Variants in LRRC49 observed in about 807,000 individuals in gnomAD.
The protein encoded by LRRC49 is leucine-rich repeat-containing protein 49.
LRRC49 carries 50 observed loss-of-function variants against 83.3 expected under a neutral mutation model. The ratio of observed to expected loss-of-function variants is 0.60; its 90% CI spans 0.48 to 0.76. LRRC49 has a LOEUF of 0.76. Among genes scored for constraint, LRRC49 ranks in the 30% least tolerant of loss-of-function variants. LRRC49 has a pLI of 0.00. For missense variants in LRRC49, 704 were observed against 809.1 expected (o/e 0.87, Z 1.58); for synonymous variants, 286 against 283.3 (o/e 1.01, Z -0.10).
At position 71,000,258 on chromosome 15, in the gene LRRC49, G is replaced by T. The variant is rs1434965240; in HGVS notation, c.1170-8121G>T. 4.6e-5 allele frequency among the ~76,000 whole-genome samples: 7 copies of T among 152,146 alleles called. No individual in the cohort carries two copies. The East Asian group carries it at 1.3e-3, about 29-fold the overall frequency. Reference sequence around the variant, plus strand: ...TCCTAGCATATTTGTTGCTTTTGTGGAGGGATGGAGTGTTTCGGAGTTCCC... The same window carrying T: ...TCCTAGCATATTTGTTGCTTTTGTGTAGGGATGGAGTGTTTCGGAGTTCCC... On this transcript the variant is annotated intron_variant, in intron 11 of 15. Transcript: ENST00000260382.
chr15:70,893,733 T>G, intron 2 of LRRC49, 93 bp downstream of exon 2: 1 of 996,208 alleles, frequency 1.0e-6, no homozygotes, highest in Middle Eastern at 2.3e-4. Context: ...GATTCTAAAC[T>G]GAAAAATTTA....
chr15:70,968,825 G>A (rs993750518), intron 9 of LRRC49, among the ~76,000 whole-genome samples: 5 of 152,044 alleles, frequency 3.3e-5, no homozygotes, highest in Non-Finnish European at 5.9e-5. Flanking sequence ...TTTCTGATGG[G>A]GTTGTTTGTT....
At chr15:70,857,277 G>T (rs2032676595) in intron 1 of LRRC49, among the ~76,000 whole-genome samples, 1 of 152,144 alleles carries the variant, frequency 6.6e-6, no homozygotes, top group South Asian at 2.1e-4. Flanking sequence ...ATTTTTGAGT[G>T]TGCCTGGCAC....
chr15:70,870,132 C>A (rs1035253680), intron 1 of LRRC49, among the ~76,000 whole-genome samples: 4 of 152,182 alleles, frequency 2.6e-5, no homozygotes, highest in African/African-American at 9.7e-5. Context: ...AAGCAAAATT[C>A]TTTTTCTGTA....
At chr15:70,922,376 A>G (rs574617009) in intron 7 of LRRC49, among the ~76,000 whole-genome samples, 5 of 152,298 alleles carry the variant, frequency 3.3e-5, no homozygotes, top group Non-Finnish European at 7.4e-5. Context: ...GTCATTTGCA[A>G]CAACATGAAT....
intron 2 of LRRC49, chr15:70,882,764 C>T: frequency 6.2e-7 from 1 of 1,614,120 alleles, no homozygotes; most frequent in East Asian, 2.2e-5. Context: ...AACATACCCA[C>T]ACTACGGTGA....
rs2033921460 is a variant in LRRC49, at chr15:70,898,313, C to T, written c.193+2377C>T. On this transcript the variant is annotated intron_variant, in intron 3 of 15. Coordinates refer to ENST00000260382, the MANE Select transcript of LRRC49 (RefSeq NM_017691.5). ...ACGCAAAATAGATTTTCAATTAAAT[C>T]TTAGTAAACTGGAAAAACAATTAAT... 9 of 657,470 alleles carry T rather than the reference C, an allele frequency of 1.4e-5. No individual in the cohort carries two copies. The Admixed American group carries it at 2.2e-4, about 16-fold the overall frequency. The allele number at this position is 657,470 out of a possible 1,614,324, so 40.7% of individuals were successfully genotyped here. A position where few individuals can be genotyped will look rare whatever the true frequency, so the allele number is the denominator to read the frequency against.
At position 71,009,831 on chromosome 15, in the gene LRRC49, C is replaced by CAAGCAA; in HGVS notation, c.1432_1433insAAGCAA (p.Leu478delinsGlnAlaIle). 6.2e-7 allele frequency: 1 copy of CAAGCAA among 1,611,682 alleles called. No homozygotes were observed. Among genetic ancestry groups the CAAGCAA allele is most frequent in the Non-Finnish European group, 8.5e-7 (1 of 1,178,424 alleles). On this transcript the variant is annotated protein_altering_variant, in exon 13 of 16. Transcript: ENST00000260382. ...GCACCTTAAATTCAAGGAAACAAATCTTGTAATGCTGCAGCAATTTAACGC... is the reference window on the plus strand; with the variant it reads ...GCACCTTAAATTCAAGGAAACAAATCAAGCAATTGTAATGCTGCAGCAATTTAACGC...
At chr15:71,031,845 C>A (rs1015702119) in intron 14 of LRRC49, among the ~76,000 whole-genome samples, 3 of 152,120 alleles carry the variant, frequency 2.0e-5, no homozygotes, top group East Asian at 1.9e-4. Flanking sequence ...CCCCTCCCCC[C>A]ACCAAGCTCG....
At chr15:71,002,793 T>A (rs928653817) in intron 11 of LRRC49, among the ~76,000 whole-genome samples, 1 of 152,072 alleles carries the variant, frequency 6.6e-6, no homozygotes, top group Non-Finnish European at 1.5e-5. Flanking sequence ...ACAATAATAA[T>A]CCTCCTAAAT....
intron 15 of LRRC49, among the ~76,000 whole-genome samples, chr15:71,043,899 A>G (rs1340346378): frequency 1.3e-5 from 2 of 152,234 alleles, no homozygotes; most frequent in African/African-American, 2.4e-5. Flanking sequence ...ATTATAAAAA[A>G]TCTTCCAATC....
upstream of LRRC49, among the ~76,000 whole-genome samples, chr15:70,888,654 A>G (rs984908826): frequency 6.6e-6 from 1 of 152,172 alleles, no homozygotes; most frequent in Admixed American, 6.5e-5. Flanking sequence ...CAGTACATCA[A>G]AAGACATTAT....
intron 2 of LRRC49, 48 bp from the exon 3 acceptor site, chr15:70,895,801 G>A: frequency 9.2e-7 from 1 of 1,091,050 alleles, no homozygotes; most frequent in Non-Finnish European, 1.4e-6. Context: ...TCACTGCTTG[G>A]TGTTAAATTT....
intron 13 of LRRC49, among the ~76,000 whole-genome samples, chr15:71,010,580 T>C (rs2141263765): frequency 6.6e-6 from 1 of 152,180 alleles, no homozygotes; most frequent in South Asian, 2.1e-4. Flanking sequence ...GAAAGCTTTG[T>C]TAATAGCTGG....
At chr15:70,930,502 G>A (rs536797680) in intron 7 of LRRC49, among the ~76,000 whole-genome samples, 1 of 152,292 alleles carries the variant, frequency 6.6e-6, no homozygotes, top group South Asian at 2.1e-4. Context: ...TGGCAGAGGA[G>A]CATTGGCTTC....
intron 8 of LRRC49, among the ~76,000 whole-genome samples, chr15:70,963,200 C>G (rs1400466053): frequency 2.8e-5 from 4 of 143,990 alleles, no homozygotes; most frequent in Admixed American, 7.2e-5. Flanking sequence ...TGCTCGAGCC[C>G]AAGAGTTTGA....
At chr15:71,032,221 G>C (rs532759565) in intron 14 of LRRC49, among the ~76,000 whole-genome samples, 4 of 152,272 alleles carry the variant, frequency 2.6e-5, no homozygotes, top group African/African-American at 9.6e-5. Flanking sequence ...GCTTCCCTTG[G>C]CTTGGGGAGG....
At position 70,893,010 on chromosome 15, in the gene LRRC49, G is replaced by A; in HGVS notation, c.48+68G>A. The A allele has an allele frequency of 3.2e-6, 5 of 1,547,020 alleles. No individual in the cohort carries two copies. The South Asian group carries it at 5.6e-5, about 17-fold the overall frequency. The stretch of plus-strand genomic sequence containing the variant: ...CTTTCTGACTGGCGTCTTTGTCCTA[G>A]GAGATGGGCTGTATTATTAGGACCG... On this transcript the variant is annotated intron_variant, in intron 1 of 15. Coordinates refer to ENST00000260382, the MANE Select transcript of LRRC49 (RefSeq NM_017691.5).
At chr15:70,892,321 T>C (rs749872519), upstream of LRRC49, 3 of 1,549,794 alleles carry the variant, frequency 1.9e-6, no homozygotes, top group African/African-American at 2.7e-5. Context: ...ACCTTCGCCC[T>C]TGGGCACGCT....
Sources: gnomAD v4.1 joint callset for allele counts (sites outside exome capture counted in the v4.1 genomes callset) on GRCh38, gnomAD v4.1.1 for gene constraint, MANE v1.5 for transcripts, NCBI Gene and HGNC (gene_info 2026-07-23, HGNC 2026-07-21) for gene names.